Variants in KCNIP4 observed in about 807,000 individuals in gnomAD.
KCNIP4 encodes the protein Kv channel-interacting protein 4.
A neutral mutation model predicts 34.0 loss-of-function variants in KCNIP4; 12 were observed. That is an observed-to-expected ratio of 0.35 (90% confidence interval 0.23 to 0.57). The LOEUF is 0.57. KCNIP4 is among the 20% of genes least tolerant of loss of function. The probability of loss-of-function intolerance (pLI) is 0.83; values close to 1 mark genes in which losing one functional copy is unlikely to be tolerated. For synonymous variants in KCNIP4, 124 were observed against 102.2 expected, an observed-to-expected ratio of 1.21 and a Z score of -1.29; for missense variants, 238 against 311.7, an observed-to-expected ratio of 0.76 and a Z score of 1.78.
At chr4:21,293,834 A>G (rs189702952) in intron 1 of KCNIP4, among the ~76,000 whole-genome samples, 2 of 152,336 alleles carry the variant, frequency 1.3e-5, no homozygotes, top group East Asian at 3.9e-4. Flanking sequence ...GAAGGGGTCC[A>G]TGCATTTGAA....
chr4:21,076,990 T>A (rs1463501761), intron 1 of KCNIP4, among the ~76,000 whole-genome samples: 1 of 152,038 alleles, frequency 6.6e-6, no homozygotes, highest in African/African-American at 2.4e-5. Flanking sequence ...CTGGGCGTGA[T>A]GGCATGAGCC....
chr4:21,830,384 T>G (rs1050226413), intron 1 of KCNIP4, among the ~76,000 whole-genome samples: 1 of 151,972 alleles, frequency 6.6e-6, no homozygotes. Flanking sequence ...ACAATCATAG[T>G]AGGAAACTGG....
chr4:20,773,743 C>T (rs1056097600), intron 3 of KCNIP4, among the ~76,000 whole-genome samples: 2 of 152,170 alleles, frequency 1.3e-5, no homozygotes, highest in African/African-American at 2.4e-5. Flanking sequence ...CAGCCTCATT[C>T]CTACATTAGA....
At chr4:21,875,445 T>C (rs1726055015) in intron 1 of KCNIP4, among the ~76,000 whole-genome samples, 1 of 151,490 alleles carries the variant, frequency 6.6e-6, no homozygotes. Context: ...CATAAAATGC[T>C]TTTCTACGTT....
intron 1 of KCNIP4, among the ~76,000 whole-genome samples, chr4:21,799,652 C>G (rs1427483372): frequency 6.6e-6 from 1 of 152,086 alleles, no homozygotes; most frequent in Non-Finnish European, 1.5e-5. Flanking sequence ...AGTTACAGAA[C>G]TGAATAGGGA....
At chr4:21,505,857 C>A (rs1023849597) in intron 1 of KCNIP4, among the ~76,000 whole-genome samples, 2 of 152,168 alleles carry the variant, frequency 1.3e-5, no homozygotes, top group South Asian at 2.1e-4. Flanking sequence ...AATCCCAGCA[C>A]TTTGGGAGAC....
intron 1 of KCNIP4, among the ~76,000 whole-genome samples, chr4:21,557,445 T>C (rs552311218): frequency 1.9e-3 from 296 of 152,280 alleles, no homozygotes; most frequent in Non-Finnish European, 2.5e-3. Flanking sequence ...AAAACATTGG[T>C]CCTGTATATG....
chr4:21,300,486 T>C (rs1711550305), intron 1 of KCNIP4, among the ~76,000 whole-genome samples: 1 of 152,132 alleles, frequency 6.6e-6, no homozygotes, highest in African/African-American at 2.4e-5. Context: ...ATTACTTTTC[T>C]TCAAAAGAAA....
At chr4:21,632,221 T>C (rs1318723577) in intron 1 of KCNIP4, among the ~76,000 whole-genome samples, 2 of 152,142 alleles carry the variant, frequency 1.3e-5, no homozygotes. Context: ...TCAAAAATAG[T>C]CTTTTGTCAG....
chr4:21,673,793 T>A (rs929158214), intron 1 of KCNIP4, among the ~76,000 whole-genome samples: 1 of 152,176 alleles, frequency 6.6e-6, no homozygotes, highest in African/African-American at 2.4e-5. Flanking sequence ...GCAATTTTTT[T>A]AAAAAACAGC....
intron 3 of KCNIP4, among the ~76,000 whole-genome samples, chr4:20,804,130 C>T (rs1714769329): frequency 6.6e-6 from 1 of 152,140 alleles, no homozygotes; most frequent in Non-Finnish European, 1.5e-5. Context: ...ACATGATGTT[C>T]CCAAGACTGC....
intron 2 of KCNIP4, among the ~76,000 whole-genome samples, chr4:20,852,639 G>C (rs1009117208): frequency 2.0e-5 from 3 of 152,034 alleles, no homozygotes; most frequent in Admixed American, 2.0e-4. Context: ...AATCAGACAA[G>C]AGAAAGAAAA....
chr4:21,331,630 C>T (rs370465542), intron 1 of KCNIP4, among the ~76,000 whole-genome samples: 13 of 152,098 alleles, frequency 8.5e-5, no homozygotes, highest in African/African-American at 2.9e-4. Flanking sequence ...AGGTCTTATA[C>T]TAAGTGCTGA....
At chr4:21,399,115 A>G (rs1577301504) in intron 1 of KCNIP4, among the ~76,000 whole-genome samples, 1 of 152,212 alleles carries the variant, frequency 6.6e-6, no homozygotes, top group South Asian at 2.1e-4. Context: ...TAGCACCTCA[A>G]CCTAGATTGT....
chr4:21,478,750 C>T (rs1048805272), intron 1 of KCNIP4, among the ~76,000 whole-genome samples: 1 of 152,130 alleles, frequency 6.6e-6, no homozygotes, highest in Non-Finnish European at 1.5e-5. Flanking sequence ...ATAGGTTTCT[C>T]ATCTTTTCTA....
rs78292360 is a variant in KCNIP4, at chr4:21,183,027, C to T, written c.62-300318G>A. 4.9e-3 allele frequency among the ~76,000 whole-genome samples: 750 copies of T among 152,230 alleles called. 3 individuals are homozygous for T. Among genetic ancestry groups the T allele is most frequent in the African/African-American group, 0.016 (650 of 41,558 alleles). On this transcript the variant is annotated intron_variant, in intron 1 of 8. Coordinates refer to ENST00000382152, the MANE Select transcript of KCNIP4 (RefSeq NM_025221.6). Reference sequence around the variant, plus strand: ...ACCCACCACCACTCCCAGCTCCAGACCCTGTTAATCACCGTTTTACTTTCT... The same window carrying T: ...ACCCACCACCACTCCCAGCTCCAGATCCTGTTAATCACCGTTTTACTTTCT...
At chr4:21,198,134 T>C (rs1756192676) in intron 1 of KCNIP4, among the ~76,000 whole-genome samples, 1 of 152,220 alleles carries the variant, frequency 6.6e-6, no homozygotes, top group South Asian at 2.1e-4. Context: ...TTACTGCATG[T>C]TGCAGACACT....
intron 1 of KCNIP4, among the ~76,000 whole-genome samples, chr4:21,248,003 ACCCC>A (rs35633880): frequency 9.4e-6 from 1 of 106,010 alleles, no homozygotes; most frequent in South Asian, 3.3e-4. Flanking sequence ...ACACACACAC[ACCCC>A]CCACAGGTGG....
chr4:21,021,760 C>T (rs1401506225), intron 1 of KCNIP4, among the ~76,000 whole-genome samples: 2 of 152,052 alleles, frequency 1.3e-5, no homozygotes, highest in Non-Finnish European at 2.9e-5. Flanking sequence ...TCTGGAAGAC[C>T]TCCTGAAGGG....
Sources: gnomAD v4.1 joint callset for allele counts (sites outside exome capture counted in the v4.1 genomes callset) on GRCh38, gnomAD v4.1.1 for gene constraint, MANE v1.5 for transcripts, NCBI Gene and HGNC (gene_info 2026-07-23, HGNC 2026-07-21) for gene names.